The following PTPRK variants were observed in gnomAD, a reference collection of about 807,000 sequenced individuals.
PTPRK encodes receptor-type tyrosine-protein phosphatase kappa.
In PTPRK, 75 loss-of-function variants were observed where a neutral mutation model predicts 178.0. The ratio of observed to expected loss-of-function variants is 0.42; its 90% CI spans 0.35 to 0.51. The LOEUF is 0.51. Among genes scored for constraint, PTPRK ranks in the 20% least tolerant of loss-of-function variants. PTPRK has a pLI of 0.02. For synonymous variants in PTPRK, 637 were observed against 620.6 expected (o/e 1.03, Z -0.39); for missense variants, 1,441 against 1,797.8 (o/e 0.80, Z 3.59).
At chr6:128,067,886 C>T in intron 11 of PTPRK, 94 bp from the exon 12 acceptor site, 1 of 1,151,970 alleles carries the variant, frequency 8.7e-7, no homozygotes, top group Non-Finnish European at 1.2e-6. Context: ...TGACTATTAA[C>T]ACACCACATT....
chr6:128,294,942 A>AAGAC (rs33997848), intron 3 of PTPRK, among the ~76,000 whole-genome samples: 113,041 of 151,430 alleles, frequency 0.75, 43,248 homozygotes, highest in African/African-American at 0.93. Context: ...TTGAGGAACA[A>AAGAC]AGAGTAATTA....
intron 5 of PTPRK, 136 bp downstream of exon 5, chr6:128,239,899 G>A: frequency 1.9e-6 from 1 of 518,552 alleles, no homozygotes; most frequent in Non-Finnish European, 3.4e-6. Flanking sequence ...AACTCACGCA[G>A]ACAGCCTGTC....
chr6:127,997,801 T>C (rs2114680617), intron 16 of PTPRK, among the ~76,000 whole-genome samples: 1 of 152,196 alleles, frequency 6.6e-6, no homozygotes. Context: ...ACTTTCAAAA[T>C]TCAGAGATAA....
At chr6:128,484,521 A>G (rs1852541546) in intron 1 of PTPRK, among the ~76,000 whole-genome samples, 1 of 152,166 alleles carries the variant, frequency 6.6e-6, no homozygotes, top group Non-Finnish European at 1.5e-5. Context: ...TTGTGATGCT[A>G]ATTTCATTGT....
chr6:128,464,623 A>ATG (rs1385108990), intron 1 of PTPRK, among the ~76,000 whole-genome samples: 1 of 72,374 alleles, frequency 1.4e-5, no homozygotes, highest in Non-Finnish European at 2.4e-5. Context: ...ACATATACAT[A>ATG]TATATATATA....
chr6:128,400,035 A>C (rs1340741824), intron 1 of PTPRK, among the ~76,000 whole-genome samples: 1 of 152,202 alleles, frequency 6.6e-6, no homozygotes, highest in Non-Finnish European at 1.5e-5. Flanking sequence ...TTTGTAAAGA[A>C]TTTTGTATTT....
intron 1 of PTPRK, among the ~76,000 whole-genome samples, chr6:128,416,253 A>G (rs1447186451): frequency 6.6e-6 from 1 of 152,072 alleles, no homozygotes; most frequent in African/African-American, 2.4e-5. Context: ...CACCACACAC[A>G]CAAAAAAAGT....
intron 2 of PTPRK, among the ~76,000 whole-genome samples, chr6:128,393,196 T>C (rs1839848895): frequency 6.6e-6 from 1 of 151,306 alleles, no homozygotes; most frequent in Non-Finnish European, 1.5e-5. Context: ...GTTCAAGCAA[T>C]TCTCCTTCCT....
intron 2 of PTPRK, among the ~76,000 whole-genome samples, chr6:128,358,912 A>T (rs1301656284): frequency 6.6e-6 from 1 of 152,220 alleles, no homozygotes; most frequent in Admixed American, 6.5e-5. Flanking sequence ...GACTGCTCAG[A>T]TTTGAAGGCA....
intron 7 of PTPRK, among the ~76,000 whole-genome samples, chr6:128,113,295 A>T (rs1457896398): frequency 6.6e-6 from 1 of 151,770 alleles, no homozygotes; most frequent in South Asian, 2.1e-4. Flanking sequence ...TGAAAGAATT[A>T]TACCAGTGTT....
chr6:128,511,242 G>T (rs753118094), intron 1 of PTPRK, among the ~76,000 whole-genome samples: 1 of 152,120 alleles, frequency 6.6e-6, no homozygotes, highest in Non-Finnish European at 1.5e-5. Context: ...CCCACTTAGA[G>T]ATCACCTAGT....
chr6:128,074,682 A>C (rs1783456247), intron 11 of PTPRK, among the ~76,000 whole-genome samples: 1 of 152,068 alleles, frequency 6.6e-6, no homozygotes, highest in Non-Finnish European at 1.5e-5. Context: ...AAAATCAAAA[A>C]TTAATTTCGT....
chr6:128,468,074 C>T (rs1303184695), intron 1 of PTPRK, among the ~76,000 whole-genome samples: 3 of 152,194 alleles, frequency 2.0e-5, no homozygotes, highest in Non-Finnish European at 4.4e-5. Context: ...ACCACATTTG[C>T]TTATATTCAG....
chr6:128,284,061 T>C (rs745476575), intron 3 of PTPRK, among the ~76,000 whole-genome samples: 9 of 152,336 alleles, frequency 5.9e-5, no homozygotes, highest in Non-Finnish European at 1.0e-4. Flanking sequence ...CTCAAACTTA[T>C]TAGGCTGGCA....
At chr6:128,253,774 A>C (rs1350623025) in intron 3 of PTPRK, among the ~76,000 whole-genome samples, 34 of 152,352 alleles carry the variant, frequency 2.2e-4, no homozygotes, top group Non-Finnish European at 2.9e-4. Flanking sequence ...TATGAAACTC[A>C]AGAAAATTAA....
intron 7 of PTPRK, among the ~76,000 whole-genome samples, chr6:128,111,005 C>A (rs80282623): frequency 0.023 from 3,440 of 152,176 alleles, 106 homozygotes; most frequent in African/African-American, 0.048. Flanking sequence ...TGGTGAGGAT[C>A]GGCAGTTCAA....
intron 3 of PTPRK, among the ~76,000 whole-genome samples, chr6:128,278,571 C>T (rs1249208017): frequency 6.6e-6 from 1 of 152,118 alleles, no homozygotes; most frequent in Admixed American, 6.5e-5. Flanking sequence ...CACTTTATGA[C>T]TAGTCTAACC....
rs149555555 is a variant in PTPRK at position 128,243,547 on chromosome 6, G to A, written c.496-945C>T. On this transcript the variant is annotated intron_variant, in intron 3 of 29. Coordinates refer to ENST00000368226, the MANE Select transcript of PTPRK (RefSeq NM_002844.4). Reference sequence around the variant, plus strand: ...AAGAAAAGAAAAAGATTAGCTGGGTGTGGTGACACATGCCTATAGTATCAG... The same window carrying A: ...AAGAAAAGAAAAAGATTAGCTGGGTATGGTGACACATGCCTATAGTATCAG... 2.9e-3 allele frequency among the ~76,000 whole-genome samples: 432 copies of A among 150,366 alleles called. 4 individuals are homozygous for A. The highest frequency in any genetic ancestry group is 0.01 in the African/African-American group (412 of 40,988).
At chr6:128,470,676 T>C (rs1485581140) in intron 1 of PTPRK, among the ~76,000 whole-genome samples, 1 of 151,604 alleles carries the variant, frequency 6.6e-6, no homozygotes, top group Non-Finnish European at 1.5e-5. Context: ...AATTTTTCTT[T>C]TAAATAATTC....
Sources: allele counts gnomAD v4.1 joint callset (sites outside exome capture counted in the v4.1 genomes callset), GRCh38; gene constraint gnomAD v4.1.1; transcripts MANE v1.5; gene names NCBI Gene and HGNC (gene_info 2026-07-23, HGNC 2026-07-21).